Variants in ADARB2 observed in about 807,000 individuals in gnomAD.
The protein encoded by ADARB2 is adenosine deaminase RNA specific B2 (inactive).
A neutral mutation model predicts 62.2 loss-of-function variants in ADARB2; 25 were observed. The observed-to-expected ratio is 0.40, with a 90% confidence interval of 0.29 to 0.56. ADARB2 has a LOEUF of 0.56. ADARB2 is among the 20% of genes least tolerant of loss of function. ADARB2 has a pLI of 0.43. For synonymous variants in ADARB2, 572 were observed against 500.8 expected (o/e 1.14, Z -1.90); for missense variants, 1,071 against 1,077.4 (o/e 0.99, Z 0.08).
chr10:1,575,495 G>A (rs1832998455), intron 1 of ADARB2, among the ~76,000 whole-genome samples: 1 of 152,242 alleles, frequency 6.6e-6, no homozygotes, highest in South Asian at 2.1e-4. Flanking sequence ...AAGCAGATGG[G>A]CATGCAGCAC....
chr10:1,459,593 G>T (rs991463355), intron 1 of ADARB2, among the ~76,000 whole-genome samples: 1 of 152,146 alleles, frequency 6.6e-6, no homozygotes, highest in Non-Finnish European at 1.5e-5. Flanking sequence ...GCCAAACCCC[G>T]TCTCTACTAA....
rs142184064 is a variant in ADARB2 at position 1,625,088 on chromosome 10, T to C, written c.100+111963A>G. ...GGAAATGTGAATTTATCTGCATCTG[T>C]TCAGAATTGGCCAAACACCTCCACA... On this transcript the variant is annotated intron_variant, in intron 1 of 9. Transcript: ENST00000381312. Among the ~76,000 whole-genome samples, 945 of 152,342 alleles carry C rather than the reference T, an allele frequency of 6.2e-3. 16 individuals are homozygous for C. Among genetic ancestry groups the C allele is most frequent in the African/African-American group, 0.022 (901 of 41,578 alleles).
At chr10:1,200,434 G>T in intron 7 of ADARB2, 1 of 467,520 alleles carries the variant, frequency 2.1e-6, no homozygotes, top group Non-Finnish European at 3.8e-6. Flanking sequence ...GTGGGACTTA[G>T]AATTAGATTT....
chr10:1,685,811 A>G (rs1834590417), intron 1 of ADARB2, among the ~76,000 whole-genome samples: 1 of 152,186 alleles, frequency 6.6e-6, no homozygotes, highest in African/African-American at 2.4e-5. Flanking sequence ...ATCATGGAAA[A>G]TGCAGCCAGC....
chr10:1,445,724 G>A (rs1157810228), intron 1 of ADARB2, among the ~76,000 whole-genome samples: 2 of 152,206 alleles, frequency 1.3e-5, no homozygotes, highest in Non-Finnish European at 2.9e-5. Flanking sequence ...GTGCAAATAA[G>A]AACAGTAGTG....
intron 1 of ADARB2, among the ~76,000 whole-genome samples, chr10:1,476,961 GA>G (rs1355792481): frequency 6.6e-6 from 1 of 152,118 alleles, no homozygotes; most frequent in African/African-American, 2.4e-5. Flanking sequence ...TTAACAATCA[GA>G]GACACAAGTG....
chr10:1,604,851 C>T (rs113910489), intron 1 of ADARB2, among the ~76,000 whole-genome samples: 9 of 152,242 alleles, frequency 5.9e-5, no homozygotes, highest in African/African-American at 1.4e-4. Flanking sequence ...TTGGTGAGGA[C>T]GTCTGTGTGC....
At chr10:1,350,441 C>T (rs1832125524) in intron 3 of ADARB2, among the ~76,000 whole-genome samples, 1 of 152,200 alleles carries the variant, frequency 6.6e-6, no homozygotes, top group African/African-American at 2.4e-5. Context: ...GCCTCCGCTC[C>T]TCTACCCAAT....
intron 7 of ADARB2, among the ~76,000 whole-genome samples, chr10:1,201,070 G>C (rs1022835369): frequency 1.3e-5 from 2 of 152,126 alleles, no homozygotes; most frequent in Non-Finnish European, 2.9e-5. Flanking sequence ...AATCTTCTCC[G>C]AGAACCCGTG....
At chr10:1,593,803 C>T (rs1174180486) in intron 1 of ADARB2, among the ~76,000 whole-genome samples, 1 of 151,874 alleles carries the variant, frequency 6.6e-6, no homozygotes, top group Non-Finnish European at 1.5e-5. Flanking sequence ...CTCTTTTTTC[C>T]TAATACAGTG....
intron 3 of ADARB2, chr10:1,293,037 A>AAGAGAG (rs79819666): frequency 4.5e-5 from 3 of 66,860 alleles, no homozygotes; most frequent in Non-Finnish European, 7.6e-5. Flanking sequence ...GGGACACAGG[A>AAGAGAG]AGAGATGCAG....
chr10:1,728,792 A>G (rs561097677), intron 1 of ADARB2, among the ~76,000 whole-genome samples: 1 of 152,348 alleles, frequency 6.6e-6, no homozygotes, highest in East Asian at 1.9e-4. Flanking sequence ...AGAGTGAAAC[A>G]GTATAAGGAT....
rs150291603 is a variant in ADARB2 at position 1,477,389 on chromosome 10, C to T, written c.101-98229G>A. Among the ~76,000 whole-genome samples the T allele has an allele frequency of 3.7e-3, 556 of 152,302 alleles. 5 individuals carry two copies. The highest frequency in any genetic ancestry group is 0.012 in the African/African-American group (504 of 41,562). ...AGCCCCAGCAGCATGACCTTATCTG[C>T]CCATGGCCCCCTCCAGCATGACCCT... On this transcript the variant is annotated intron_variant, in intron 1 of 9. Transcript: ENST00000381312. The surrounding 1 kb of genome is among the most constrained non-coding windows in gnomAD (Gnocchi z 4.5).
intron 1 of ADARB2, among the ~76,000 whole-genome samples, chr10:1,600,202 C>T (rs1019313904): frequency 6.6e-6 from 1 of 152,152 alleles, no homozygotes; most frequent in South Asian, 2.1e-4. Context: ...CAGGGAGAAG[C>T]TGCAGCCTCA....
chr10:1,334,539 T>C (rs1831956892), intron 3 of ADARB2, among the ~76,000 whole-genome samples: 1 of 152,246 alleles, frequency 6.6e-6, no homozygotes, highest in African/African-American at 2.4e-5. Flanking sequence ...TATAAATGCA[T>C]TTATTATCAT....
chr10:1,345,369 G>C (rs1053671432), intron 3 of ADARB2, among the ~76,000 whole-genome samples: 2 of 152,160 alleles, frequency 1.3e-5, no homozygotes, highest in African/African-American at 4.8e-5. Flanking sequence ...TGTTGCTCCG[G>C]ACACCCAGCT....
intron 1 of ADARB2, among the ~76,000 whole-genome samples, chr10:1,715,804 A>G (rs953533013): frequency 2.6e-5 from 4 of 152,248 alleles, no homozygotes; most frequent in African/African-American, 9.6e-5. Flanking sequence ...GCTGCCTTGC[A>G]GCACAGTTAG....
At chr10:1,184,155 A>G (rs1053301827) in intron 9 of ADARB2, among the ~76,000 whole-genome samples, 1 of 152,248 alleles carries the variant, frequency 6.6e-6, no homozygotes, top group African/African-American at 2.4e-5. Flanking sequence ...CGTTTATTTT[A>G]GGCATTAGTA....
intron 1 of ADARB2, among the ~76,000 whole-genome samples, chr10:1,449,092 C>G (rs3122598): frequency 0.89 from 135,148 of 152,210 alleles, 60,326 homozygotes; most frequent in Non-Finnish European, 0.93. Flanking sequence ...GGTGGTCCTG[C>G]CTCCATCCTC....
Sources: allele counts gnomAD v4.1 joint callset (sites outside exome capture counted in the v4.1 genomes callset), GRCh38; gene constraint gnomAD v4.1.1; non-coding constraint Gnocchi (gnomAD v3.1); transcripts MANE v1.5; gene names NCBI Gene and HGNC (gene_info 2026-07-23, HGNC 2026-07-21).